Variants in CDC5L observed in about 807,000 individuals in gnomAD.
CDC5L encodes cell division cycle 5-like protein.
CDC5L carries 18 observed loss-of-function variants against 104.1 expected under a neutral mutation model. The observed-to-expected ratio is 0.17, with a 90% CI of 0.12 to 0.26. The LOEUF (loss-of-function observed/expected upper bound fraction) is 0.26. Among genes scored for constraint, CDC5L ranks in the 10% least tolerant of loss-of-function variants. The pLI is 1.00. For missense variants in CDC5L, 673 were observed against 956.9 expected (o/e 0.70, Z 3.91); for synonymous variants, 331 against 322.7 (o/e 1.03, Z -0.28).
chr6:44,426,109 C>A lies in CDC5L; in HGVS notation c.1576C>A (p.Arg526=). The A allele has an allele frequency of 6.3e-7, 1 of 1,593,016 alleles. No individual in the cohort carries two copies. Among genetic ancestry groups the A allele is most frequent in the Non-Finnish European group, 8.6e-7 (1 of 1,167,096 alleles). ...ADVDARKQAI[R]DAERVKEMKR... is the part of the protein sequence containing the mutation. The stretch of plus-strand genomic sequence containing the variant: ...TATAAAAATCATTTTTTAGGCCATA[C>A]GAGATGCAGAGCGTGTAAAGGAAAT... Residue 526 remains arginine (R), a synonymous_variant, in exon 12 of 16, where the codon CGA becomes AGA. Transcript: ENST00000371477.
In CDC5L at chr6:44,401,043, A is replaced by G. The variant is rs138093661; in HGVS notation, c.540-2766A>G. Among the ~76,000 whole-genome samples, 449 of 152,262 alleles carry G rather than the reference A, an allele frequency of 2.9e-3. 2 individuals carry two copies. Among genetic ancestry groups the G allele is most frequent in the African/African-American group, 0.01 (429 of 41,548 alleles). The stretch of plus-strand genomic sequence containing the variant: ...GCCTACAGATTTGGTATCTCCATTA[A>G]GTCTGTCAAGCTTTTTCCCAACTTG... On this transcript the variant is annotated intron_variant, in intron 5 of 15. Transcript: ENST00000371477.
intron 13 of CDC5L, 32 bp downstream of exon 13, chr6:44,426,756 A>G (rs774740778): frequency 6.2e-7 from 1 of 1,605,448 alleles, no homozygotes; most frequent in Admixed American, 1.7e-5. Flanking sequence ...TCTTCTTGAG[A>G]TTTAGGTAGT....
At chr6:44,436,819 G>A (rs1038228367) in intron 14 of CDC5L, among the ~76,000 whole-genome samples, 1 of 152,190 alleles carries the variant, frequency 6.6e-6, no homozygotes, top group East Asian at 1.9e-4. Flanking sequence ...CGATTTGTAT[G>A]TGGATATATT....
intron 13 of CDC5L, 38 bp from the exon 14 acceptor site, chr6:44,429,675 G>A (rs1792591037): frequency 1.3e-6 from 2 of 1,559,992 alleles, no homozygotes; most frequent in African/African-American, 2.7e-5. Context: ...GCAAGTGTTT[G>A]TAGTACTTAA....
In CDC5L at chr6:44,387,722, C is replaced by A. The variant is rs1191189211; in HGVS notation, c.-102C>A. 7.7e-6 allele frequency: 8 copies of A among 1,035,542 alleles called. No homozygotes were observed. The highest frequency in any genetic ancestry group is 5.2e-5 in the East Asian group (2 of 38,426). The allele number at this position is 1,035,542 out of a possible 1,614,324, so 64.1% of individuals were successfully genotyped here. On this transcript the variant is annotated 5_prime_UTR_variant, in exon 1 of 16. Transcript: ENST00000371477. Reference sequence around the variant, plus strand: ...TGCGCAGATCTTCAAAGCAGAAGGTCGCGCTTGGAGGAAGTGGCGGCTTTG... The same window carrying A: ...TGCGCAGATCTTCAAAGCAGAAGGTAGCGCTTGGAGGAAGTGGCGGCTTTG...
At chr6:44,442,082 G>A (rs768872651) in intron 14 of CDC5L, among the ~76,000 whole-genome samples, 4 of 151,626 alleles carry the variant, frequency 2.6e-5, no homozygotes, top group Non-Finnish European at 4.4e-5. Context: ...GACTACAGGC[G>A]CCCGCTACCA....
At chr6:44,432,555 G>C (rs1203868944) in intron 14 of CDC5L, among the ~76,000 whole-genome samples, 1 of 151,916 alleles carries the variant, frequency 6.6e-6, no homozygotes, top group Admixed American at 6.6e-5. Context: ...TTATATTGGA[G>C]GTAGTCTTTG....
chr6:44,421,144 T>C (rs1792152322), intron 9 of CDC5L, among the ~76,000 whole-genome samples: 1 of 152,244 alleles, frequency 6.6e-6, no homozygotes, highest in South Asian at 2.1e-4. Context: ...AATATTTTAC[T>C]ATATTTGCTT....
intron 8 of CDC5L, among the ~76,000 whole-genome samples, chr6:44,415,249 A>C (rs1791855713): frequency 6.6e-6 from 1 of 152,176 alleles, no homozygotes; most frequent in Non-Finnish European, 1.5e-5. Context: ...GTAATGAGTG[A>C]ATGTTAACTG....
chr6:44,420,533 T>C (rs1190576885), intron 9 of CDC5L, among the ~76,000 whole-genome samples: 2 of 151,882 alleles, frequency 1.3e-5, no homozygotes, highest in Non-Finnish European at 2.9e-5. Flanking sequence ...TAATTTTGTA[T>C]TTTTAGTAGA....
At chr6:44,424,024 G>A (rs777595529) in intron 10 of CDC5L, among the ~76,000 whole-genome samples, 1 of 152,002 alleles carries the variant, frequency 6.6e-6, no homozygotes, top group Admixed American at 6.6e-5. Context: ...GGAAGAAGGG[G>A]GGATAGAAAA....
At chr6:44,439,590 G>A (rs1013083098) in intron 14 of CDC5L, among the ~76,000 whole-genome samples, 2 of 152,182 alleles carry the variant, frequency 1.3e-5, no homozygotes, top group African/African-American at 4.8e-5. Flanking sequence ...CCAGGAAAGG[G>A]TCCACATAGA....
At chr6:44,414,382 C>CTGTGTGTGTG (rs58800666) in intron 8 of CDC5L, among the ~76,000 whole-genome samples, 4 of 130,000 alleles carry the variant, frequency 3.1e-5, no homozygotes, top group South Asian at 2.9e-4. Flanking sequence ...CTGGCCTGGC[C>CTGTGTGTGTG]TGTGTGTGTG....
rs1017845389 is a variant in CDC5L, at chr6:44,422,724, G to A, written c.1319G>A (p.Gly440Asp). 1.2e-6 allele frequency: 2 copies of A among 1,612,876 alleles called. No individual in the cohort carries two copies. The highest frequency in any genetic ancestry group is 1.3e-5 in the African/African-American group (1 of 74,862). ...TPKPVINSTP[G>D]RTPLRDKLNI... ...AAACCAGTTATTAACTCTACTCCGG[G>A]TAGAACTCCTCTTCGAGACAAGTTA... Residue 440 changes from glycine (G) to aspartate (D), a missense_variant, in exon 10 of 16, where the codon GGT becomes GAT. By Grantham distance (94) the Gly-to-Asp change is moderately conservative (BLOSUM62 -1). This residue lies in a region of CDC5L where 578 missense variants were observed against 737.0 expected (regional missense o/e 0.78). Transcript: ENST00000371477.
At chr6:44,401,810 C>G (rs1372641602) in intron 5 of CDC5L, among the ~76,000 whole-genome samples, 2 of 151,060 alleles carry the variant, frequency 1.3e-5, no homozygotes. Context: ...CCCTCTCCCC[C>G]CACCCCACAA....
In CDC5L at chr6:44,393,469, A is replaced by G. The variant is rs770831573; in HGVS notation, c.335A>G (p.Asn112Ser). The change falls in exon 4 of 16, where the codon AAT becomes AGT. Residue 112 changes from asparagine to serine, a missense_variant. Asn to Ser is a conservative substitution (Grantham distance 46, BLOSUM62 1). Around this residue, in one of 4 missense-constraint regions of CDC5L, gnomAD observed 74 missense variants for 123.5 expected, o/e 0.60. Coordinates refer to ENST00000371477, the MANE Select transcript of CDC5L (RefSeq NM_001253.4). ...AGGGATAAAGCTGCCCAAAGAGACA[A>G]TGAAGAGGAAACAACAGATGATCCA... ...FLLDKAAQRD[N>S]EEETTDDPRK... The G allele has an allele frequency of 3.7e-6, 6 of 1,613,914 alleles. No homozygotes were observed. The highest frequency in any genetic ancestry group is 5.1e-6 in the Non-Finnish European group (6 of 1,179,864).
intron 14 of CDC5L, among the ~76,000 whole-genome samples, chr6:44,439,407 A>G (rs554453111): frequency 2.3e-4 from 34 of 149,460 alleles, no homozygotes; most frequent in African/African-American, 7.7e-4. Context: ...CCTCATTTGA[A>G]CTTCAGGGTT....
chr6:44,393,637 T>C, intron 4 of CDC5L, 64 bp downstream of exon 4: 1 of 1,510,616 alleles, frequency 6.6e-7, no homozygotes, highest in South Asian at 1.3e-5. Context: ...CCTCACTCTT[T>C]TAGTTCCTTT....
intron 10 of CDC5L, among the ~76,000 whole-genome samples, chr6:44,423,119 C>T (rs917470095): frequency 3.9e-5 from 6 of 151,974 alleles, no homozygotes; most frequent in Non-Finnish European, 7.4e-5. Context: ...CGTGTTACTG[C>T]GTTTATTACT....
Sources: allele counts gnomAD v4.1 joint callset (sites outside exome capture counted in the v4.1 genomes callset), GRCh38; gene constraint gnomAD v4.1.1; regional missense constraint gnomAD v4.1.1; transcripts MANE v1.5; gene names NCBI Gene and HGNC (gene_info 2026-07-23, HGNC 2026-07-21).